Variants in TRPS1 observed in about 807,000 individuals in gnomAD.
The protein encoded by TRPS1 is zinc finger transcription factor Trps1.
TRPS1 carries 6 observed loss-of-function variants against 101.2 expected under a neutral mutation model. The ratio of observed to expected loss-of-function variants is 0.06; its 90% CI spans 0.03 to 0.12. TRPS1 has a LOEUF of 0.12. Ranked by LOEUF, TRPS1 falls within the 10% of genes least tolerant of loss-of-function variation. The probability of loss-of-function intolerance (pLI) is 1.00; values close to 1 mark genes in which losing one functional copy is unlikely to be tolerated. For missense variants in TRPS1, 1,363 were observed against 1,567.0 expected (o/e 0.87, Z 2.20); for synonymous variants, 578 against 589.8 (o/e 0.98, Z 0.29).
intron 5 of TRPS1, among the ~76,000 whole-genome samples, chr8:115,474,835 A>AGT (rs1814560445): frequency 6.6e-6 from 1 of 152,150 alleles, no homozygotes; most frequent in South Asian, 2.1e-4. Flanking sequence ...AACTCTACTT[A>AGT]AGAGACTAGA....
At chr8:115,560,097 C>A (rs886795643) in intron 5 of TRPS1, among the ~76,000 whole-genome samples, 1 of 151,908 alleles carries the variant, frequency 6.6e-6, no homozygotes, top group African/African-American at 2.4e-5. Flanking sequence ...TCTGATTAAT[C>A]TGTTTGTTTG....
chr8:115,558,166 T>C (rs1816868368), intron 5 of TRPS1, among the ~76,000 whole-genome samples: 1 of 151,984 alleles, frequency 6.6e-6, no homozygotes, highest in African/African-American at 2.4e-5. Context: ...ATTTGTGAGA[T>C]ATTCTGTAAA....
intron 4 of TRPS1, among the ~76,000 whole-genome samples, chr8:115,603,368 A>T (rs1382531093): frequency 1.3e-5 from 2 of 152,194 alleles, no homozygotes; most frequent in Admixed American, 1.3e-4. Flanking sequence ...TGTATGCTAA[A>T]CAAGGATGTT....
At chr8:115,623,464 T>C in intron 2 of TRPS1, 137 bp downstream of exon 2, 1 of 922,504 alleles carries the variant, frequency 1.1e-6, no homozygotes, top group Admixed American at 2.5e-5. Flanking sequence ...CCCTAGCGAG[T>C]CGTAAGTTAG....
intron 4 of TRPS1, among the ~76,000 whole-genome samples, chr8:115,591,667 G>A (rs1817681647): frequency 1.3e-5 from 2 of 152,162 alleles, no homozygotes; most frequent in South Asian, 4.1e-4. Flanking sequence ...AGGTGCTGGA[G>A]AGCTGTAGGA....
chr8:115,514,960 T>C (rs1462770471), intron 5 of TRPS1, among the ~76,000 whole-genome samples: 2 of 151,610 alleles, frequency 1.3e-5, no homozygotes, highest in African/African-American at 4.8e-5. Context: ...AAAATGTTTT[T>C]CCAGTATGAC....
chr8:115,650,288 A>T (rs570491007), intron 1 of TRPS1, among the ~76,000 whole-genome samples: 2 of 152,362 alleles, frequency 1.3e-5, no homozygotes, highest in East Asian at 3.9e-4. Context: ...AGGTGACATC[A>T]GAAAAGCATG....
At chr8:115,665,737 T>C (rs918470562) in intron 1 of TRPS1, among the ~76,000 whole-genome samples, 2 of 152,182 alleles carry the variant, frequency 1.3e-5, no homozygotes, top group African/African-American at 4.8e-5. Flanking sequence ...ATTTTTCTCC[T>C]TACCTTTAAC....
rs867274647 is a variant in TRPS1 at position 115,619,589 on chromosome 8, G to A, written c.509C>T (p.Ser170Leu). The change falls in exon 3 of 7, where the codon TCA becomes TTA. Residue 170 changes from serine (S) to leucine (L), a missense_variant. Around this residue, in one of 5 missense-constraint regions of TRPS1, gnomAD observed 1,020 missense variants for 1,073.0 expected, o/e 0.95. Coordinates refer to ENST00000395715, the MANE Select transcript of TRPS1 (RefSeq NM_014112.5). ...SLETKEDQKM[S>L]PKATEETGQA... ...CCCTGTTTCCTCTGTAGCCTTTGGT[G>A]ACATCTTCTGATCTTCCTTTGTCTC... 1.9e-6 allele frequency: 3 copies of A among 1,614,012 alleles called. No individual in the cohort carries two copies. Among genetic ancestry groups the A allele is most frequent in the Non-Finnish European group, 2.5e-6 (3 of 1,180,032 alleles).
intron 6 of TRPS1, among the ~76,000 whole-genome samples, chr8:115,417,096 C>G (rs951969947): frequency 1.7e-4 from 26 of 152,076 alleles, no homozygotes; most frequent in African/African-American, 6.0e-4. Context: ...TAGTTTATAT[C>G]TCAGTGGTTA....
intron 5 of TRPS1, among the ~76,000 whole-genome samples, chr8:115,553,612 C>A (rs2884366): frequency 0.69 from 105,388 of 151,976 alleles, 37,996 homozygotes; most frequent in African/African-American, 0.89. Flanking sequence ...AGTAAGTAGT[C>A]ATAAGTAAAT....
chr8:115,507,187 C>CGAAG (rs1815466748), intron 5 of TRPS1, among the ~76,000 whole-genome samples: 1 of 152,030 alleles, frequency 6.6e-6, no homozygotes, highest in Non-Finnish European at 1.5e-5. Context: ...TTCATGTCTT[C>CGAAG]CTGTGTAAAG....
At chr8:115,476,579 T>C (rs1814613123) in intron 5 of TRPS1, among the ~76,000 whole-genome samples, 1 of 152,186 alleles carries the variant, frequency 6.6e-6, no homozygotes, top group South Asian at 2.1e-4. Flanking sequence ...GAGCATCTAT[T>C]TTTGAAGAAA....
At chr8:115,478,297 A>T (rs1351042700) in intron 5 of TRPS1, among the ~76,000 whole-genome samples, 1 of 152,126 alleles carries the variant, frequency 6.6e-6, no homozygotes. Flanking sequence ...GGAGATACGT[A>T]TTTCTTCATT....
intron 5 of TRPS1, among the ~76,000 whole-genome samples, chr8:115,568,640 A>G (rs572057876): frequency 2.6e-5 from 4 of 152,268 alleles, no homozygotes; most frequent in African/African-American, 9.6e-5. Flanking sequence ...TTTTTTCCAC[A>G]AATGGCTTTT....
At chr8:115,609,250 CA>C (rs1418508874) in intron 3 of TRPS1, among the ~76,000 whole-genome samples, 1 of 152,122 alleles carries the variant, frequency 6.6e-6, no homozygotes, top group East Asian at 1.9e-4. Context: ...ATGAATCATT[CA>C]AGTAAATTTT....
At position 115,608,103 on chromosome 8, in the gene TRPS1, A is replaced by T. The variant is rs560754105; in HGVS notation, c.967-3101T>A. 1.2e-3 allele frequency among the ~76,000 whole-genome samples: 189 copies of T among 152,310 alleles called. 2 individuals are homozygous for T. Among genetic ancestry groups the T allele is most frequent in the African/African-American group, 4.5e-3 (185 of 41,570 alleles). On this transcript the variant is annotated intron_variant, in intron 3 of 6. Transcript: ENST00000395715. ...TTCATAGAATATTGCAAACTTTTCAAATGGCTGAATCCATCACGGAGTAGG... is the reference window on the plus strand; with the variant it reads ...TTCATAGAATATTGCAAACTTTTCATATGGCTGAATCCATCACGGAGTAGG...
chr8:115,533,453 T>TTTTTTTTTG (rs1563580844), intron 5 of TRPS1, among the ~76,000 whole-genome samples: 5 of 135,358 alleles, frequency 3.7e-5, no homozygotes, highest in African/African-American at 8.6e-5. Flanking sequence ...TTTTTTTTTT[T>TTTTTTTTTG]TTTTTTCCTG....
intron 1 of TRPS1, among the ~76,000 whole-genome samples, chr8:115,631,923 A>G (rs1394954989): frequency 6.6e-6 from 1 of 152,146 alleles, no homozygotes; most frequent in East Asian, 1.9e-4. Context: ...GAAATGTACA[A>G]GTCGTGAGAC....
Sources: allele counts gnomAD v4.1 joint callset (sites outside exome capture counted in the v4.1 genomes callset), GRCh38; gene constraint gnomAD v4.1.1; regional missense constraint gnomAD v4.1.1; transcripts MANE v1.5; gene names NCBI Gene and HGNC (gene_info 2026-07-23, HGNC 2026-07-21).